FLYWCH1: variants seen among roughly 807,000 people sequenced by gnomAD.
FLYWCH1 encodes FLYWCH-type zinc finger 1, also known as FLYWCH-type zinc finger-containing protein 1.
Under a neutral mutation model 66.4 loss-of-function variants are expected in FLYWCH1, and 75 were observed. The observed-to-expected ratio is 1.13, with a 90% confidence interval of 0.94 to 1.37. The LOEUF (loss-of-function observed/expected upper bound fraction) is 1.37. Among genes scored for constraint, FLYWCH1 ranks in the 40% most tolerant of loss-of-function variants. FLYWCH1 has a pLI of 0.00. For missense variants in FLYWCH1, 1,334 were observed against 1,001.8 expected, an observed-to-expected ratio of 1.33 and a Z score of -4.48; for synonymous variants, 595 against 429.9, an observed-to-expected ratio of 1.38 and a Z score of -4.75.
At chr16:2,936,406 C>G (rs986630007) in intron 6 of FLYWCH1, 1 of 456,326 alleles carries the variant, frequency 2.2e-6, no homozygotes, top group East Asian at 7.0e-5. Context: ...CCTGCCCAGC[C>G]CTCTCCATCC....
intron 2 of FLYWCH1, among the ~76,000 whole-genome samples, chr16:2,916,240 G>T (rs1264111520): frequency 6.6e-6 from 1 of 152,150 alleles, no homozygotes; most frequent in Admixed American, 6.6e-5. Context: ...AGCTACTCAG[G>T]AAGCTGAGTC....
chr16:2,940,083 A>C lies in FLYWCH1; in HGVS notation c.2102A>C (p.Gln701Pro), dbSNP rs1464543565. Residue 701 changes from glutamine to proline, a missense_variant, in exon 9 of 10, where the codon CAG becomes CCG. Physicochemically the swap from Gln to Pro is moderately conservative, Grantham distance 76. Transcript: ENST00000253928. ...CFKTCSPESQ[Q>P]IYGDIKDVRL... is the part of the protein sequence containing the mutation. Reference sequence around the variant, plus strand: ...AAGACGTGTTCTCCTGAAAGCCAGCAGATTTATGGGTAATTGTATTTGTTA... The same window carrying C: ...AAGACGTGTTCTCCTGAAAGCCAGCCGATTTATGGGTAATTGTATTTGTTA... 4 of 1,352,602 alleles carry C rather than the reference A, an allele frequency of 3.0e-6. No individual in the cohort carries two copies. The highest frequency in any genetic ancestry group is 4.2e-6 in the Non-Finnish European group (4 of 942,706). The allele number at this position is 1,352,602 out of a possible 1,614,324, so 83.8% of individuals were successfully genotyped here.
intron 2 of FLYWCH1, among the ~76,000 whole-genome samples, chr16:2,921,059 T>C (rs1237397140): frequency 6.6e-6 from 1 of 151,840 alleles, no homozygotes; most frequent in African/African-American, 2.4e-5. Context: ...GCCCGGATGG[T>C]CTCGATCTGC....
At chr16:2,944,098 A>T (rs994814998) in intron 9 of FLYWCH1, among the ~76,000 whole-genome samples, 2 of 152,024 alleles carry the variant, frequency 1.3e-5, no homozygotes, top group African/African-American at 4.8e-5. Flanking sequence ...CCTGTCTCAG[A>T]AATAAAAGTA....
chr16:2,933,682 T>C (rs1046873191), intron 5 of FLYWCH1, 34 bp from the exon 6 acceptor site: 2 of 1,596,756 alleles, frequency 1.3e-6, no homozygotes, highest in African/African-American at 2.7e-5. Flanking sequence ...CCAGCCCCTG[T>C]CCCCTCCCCT....
chr16:2,932,473 G>C (rs1420475571), intron 4 of FLYWCH1, among the ~76,000 whole-genome samples: 1 of 152,036 alleles, frequency 6.6e-6, no homozygotes, highest in African/African-American at 2.4e-5. Flanking sequence ...GGCTTGGCAA[G>C]TGGCAGATGG....
rs555910638 is a variant in FLYWCH1 at position 2,914,908 on chromosome 16, C to CA, written c.-74+638dup. On this transcript the variant is annotated intron_variant, in intron 2 of 9. Transcript: ENST00000253928. Reference sequence around the variant, plus strand: ...TGGGCGACAGAGTGAGACTCTGTCTCAAAAAAAAAAAAAAAAAAAGAAATT... The same window carrying CA: ...TGGGCGACAGAGTGAGACTCTGTCTCAAAAAAAAAAAAAAAAAAAAGAAATT... Among the ~76,000 whole-genome samples the CA allele has an allele frequency of 4.1e-3, 298 of 72,238 alleles. 3 individuals carry two copies. Among genetic ancestry groups the CA allele is most frequent in the South Asian group, 0.011 (20 of 1,838 alleles). 47.4% of individuals were successfully genotyped at this position (72,238 alleles called of 152,430 possible). A position where few individuals can be genotyped will look rare whatever the true frequency, so the allele number is the denominator to read the frequency against.
At chr16:2,944,728 C>A (rs975351199) in intron 9 of FLYWCH1, among the ~76,000 whole-genome samples, 1 of 150,536 alleles carries the variant, frequency 6.6e-6, no homozygotes, top group Admixed American at 6.6e-5. Flanking sequence ...GAGGCTGAGG[C>A]GTGAGAATCG....
In FLYWCH1 at chr16:2,941,995, C is replaced by CAA. The variant is rs748281347; in HGVS notation, c.2111+1930_2111+1931dup. Among the ~76,000 whole-genome samples the CAA allele has an allele frequency of 7.7e-4, 26 of 33,590 alleles. 1 individual carries two copies. The highest frequency in any genetic ancestry group is 9.2e-4 in the East Asian group (1 of 1,086). The allele number at this position is 33,590 out of a possible 152,430, so 22.0% of individuals were successfully genotyped here. ...CTGGGCGACAGAGCAAGACTCATCT[C>CAA]AAAAAAAAAAAAAAAAAAAAAAAAA... On this transcript the variant is annotated intron_variant, in intron 9 of 9. Transcript: ENST00000253928.
At chr16:2,943,727 G>T (rs1236051475) in intron 9 of FLYWCH1, 2 of 152,168 alleles carry the variant, frequency 1.3e-5, no homozygotes, top group Admixed American at 6.6e-5. Flanking sequence ...CCTGAGGTCA[G>T]GCGTTCGAGA....
chr16:2,914,924 A>G lies in FLYWCH1; in HGVS notation c.-74+635A>G, dbSNP rs531764752. On this transcript the variant is annotated intron_variant, in intron 2 of 9. Coordinates refer to ENST00000253928, the MANE Select transcript of FLYWCH1 (RefSeq NM_001308068.2). ...ACTCTGTCTCAAAAAAAAAAAAAAA[A>G]AAAGAAATTTGTACTGAATGAAGAT... 2.2e-4 allele frequency among the ~76,000 whole-genome samples: 34 copies of G among 151,380 alleles called. No individual in the cohort carries two copies. In the East Asian group the frequency reaches 5.4e-3, roughly 24 times the overall value.
At chr16:2,923,387 C>T (rs557307589) in intron 2 of FLYWCH1, among the ~76,000 whole-genome samples, 18 of 152,326 alleles carry the variant, frequency 1.2e-4, no homozygotes, top group Middle Eastern at 6.8e-3. Context: ...GTTGGGATTA[C>T]AGGCGTCCGC....
intron 9 of FLYWCH1, among the ~76,000 whole-genome samples, chr16:2,948,184 G>A (rs1303795012): frequency 6.6e-6 from 1 of 152,164 alleles, no homozygotes; most frequent in Non-Finnish European, 1.5e-5. Flanking sequence ...TGCTGGTGTG[G>A]GAAGCAGGGA....
At position 2,950,772 on chromosome 16, in the gene FLYWCH1, T is replaced by C. The variant is rs990030795; in HGVS notation, c.*2045T>C. On this transcript the variant is annotated 3_prime_UTR_variant, in exon 10 of 10. Transcript: ENST00000253928. ...CTCTGCCTCACGCCTGCTTTGACCT[T>C]AGAAGACAGACGGCAGCTCGCGTTG... 1.1e-4 allele frequency: 17 copies of C among 152,326 alleles called. No individual in the cohort carries two copies. Among genetic ancestry groups the C allele is most frequent in the African/African-American group, 3.9e-4 (16 of 41,476 alleles). 9.4% of individuals were successfully genotyped at this position (152,326 alleles called of 1,614,324 possible).
Position 2,941,586 on chromosome 16 carries a change from A to G in FLYWCH1, c.2111+1494A>G, listed in dbSNP as rs74841013. ...CAGAGCAAGATCCCATCTCTAAATG[A>G]ATAAACAGGGCCAAGCATGGTGGCT... is the stretch of plus-strand genomic sequence containing the variant. On this transcript the variant is annotated intron_variant, in intron 9 of 9. Coordinates refer to ENST00000253928, the MANE Select transcript of FLYWCH1 (RefSeq NM_001308068.2). Among the ~76,000 whole-genome samples the G allele has an allele frequency of 9.8e-3, 1,476 of 151,024 alleles. 27 individuals are homozygous for G. Among genetic ancestry groups the G allele is most frequent in the African/African-American group, 0.034 (1,408 of 41,068 alleles).
In FLYWCH1 at chr16:2,941,749, G is replaced by A. The variant is rs533370206; in HGVS notation, c.2111+1657G>A. On this transcript the variant is annotated intron_variant, in intron 9 of 9. Transcript: ENST00000253928. The stretch of plus-strand genomic sequence containing the variant: ...AAAAAAAAGAACTAAAAGTCTGGGC[G>A]TGGTGGCTCACACCTGTAATCCCAG... Among the ~76,000 whole-genome samples, 8 of 151,530 alleles carry A rather than the reference G, an allele frequency of 5.3e-5. No homozygotes were observed. In the South Asian group the frequency reaches 6.3e-4, roughly 12 times the overall value.
At chr16:2,927,449 A>G (rs2070611154) in intron 2 of FLYWCH1, among the ~76,000 whole-genome samples, 1 of 152,220 alleles carries the variant, frequency 6.6e-6, no homozygotes, top group Non-Finnish European at 1.5e-5. Flanking sequence ...GACCCAACTC[A>G]CCTTCTATGA....
chr16:2,929,877 C>T lies in FLYWCH1; in HGVS notation c.192C>T (p.Cys64=), dbSNP rs748804461. ...GVGSKPQEVH[C]VLSLEMAGPA... ...GATCCAAGCCCCAGGAAGTGCACTG[C>T]GTCCTGTCCCTGGAGATGGCTGGCC... Residue 64 remains cysteine, a synonymous_variant, in exon 3 of 10, where the codon TGC becomes TGT. Coordinates refer to ENST00000253928, the MANE Select transcript of FLYWCH1 (RefSeq NM_001308068.2). The T allele has an allele frequency of 2.7e-5, 44 of 1,613,794 alleles. No homozygotes were observed. Among genetic ancestry groups the T allele is most frequent in the East Asian group, 2.2e-4 (10 of 44,902 alleles).
chr16:2,912,669 G>C (rs1158918073), intron 1 of FLYWCH1, among the ~76,000 whole-genome samples: 2 of 152,188 alleles, frequency 1.3e-5, no homozygotes, highest in African/African-American at 4.8e-5. Flanking sequence ...GGAGACGCTT[G>C]TTTAAGCTCA....
Sources: gnomAD v4.1 joint callset for allele counts (sites outside exome capture counted in the v4.1 genomes callset) on GRCh38, gnomAD v4.1.1 for gene constraint, MANE v1.5 for transcripts, NCBI Gene and HGNC (gene_info 2026-07-23, HGNC 2026-07-21) for gene names.